Variants in SPTBN1 observed in about 807,000 individuals in gnomAD.
SPTBN1 encodes the protein spectrin beta, non-erythrocytic 1.
Under a neutral mutation model 266.4 loss-of-function variants are expected in SPTBN1, and 32 were observed. The observed-to-expected ratio is 0.12, with a 90% CI of 0.09 to 0.16. SPTBN1 has a LOEUF of 0.16. SPTBN1 is among the 10% of genes least tolerant of loss of function. The pLI is 1.00. For missense variants in SPTBN1, 2,296 were observed against 3,067.1 expected, an observed-to-expected ratio of 0.75 and a Z score of 5.94; for synonymous variants, 1,336 against 1,162.2, an observed-to-expected ratio of 1.15 and a Z score of -3.04.
At chr2:54,640,058 A>G (rs1679424539) in intron 18 of SPTBN1, among the ~76,000 whole-genome samples, 1 of 152,182 alleles carries the variant, frequency 6.6e-6, no homozygotes, top group Non-Finnish European at 1.5e-5. Context: ...ATTTAGGTCA[A>G]GCTTGGGGGC....
At chr2:54,517,247 G>A (rs907459557) in intron 1 of SPTBN1, among the ~76,000 whole-genome samples, 30 of 151,854 alleles carry the variant, frequency 2.0e-4, no homozygotes, top group Non-Finnish European at 1.0e-4. Flanking sequence ...GGGGGCCTTA[G>A]AATTTTATTT....
chr2:54,628,851 G>C lies in SPTBN1; in HGVS notation c.1799-82G>C, dbSNP rs945481901. ...GAGCTGGTAATCATAAGAATATGGG[G>C]TGTAGCTTACTGCCTGCCAGTGAGC... On this transcript the variant is annotated intron_variant, in intron 13 of 35. Coordinates refer to ENST00000356805, the MANE Select transcript of SPTBN1 (RefSeq NM_003128.3). The surrounding 1 kb of genome is among the most constrained non-coding windows in gnomAD (Gnocchi z 4.3). 1 of 1,489,464 alleles carries C rather than the reference G, an allele frequency of 6.7e-7. No individual in the cohort carries two copies. The highest frequency in any genetic ancestry group is 1.4e-5 in the African/African-American group (1 of 71,224). 92.3% of individuals were successfully genotyped at this position (1,489,464 alleles called of 1,614,324 possible).
chr2:54,457,443 CA>C (rs1195381971), intron 1 of SPTBN1: 3 of 152,558 alleles, frequency 2.0e-5, no homozygotes, highest in Admixed American at 6.5e-5. Context: ...GATCAGAACG[CA>C]AACCTCTGTC....
chr2:54,528,197 G>T (rs1670945483), intron 2 of SPTBN1: 1 of 152,544 alleles, frequency 6.6e-6, no homozygotes. Context: ...TCTTTTTCTT[G>T]TATTTTCATT....
intron 1 of SPTBN1, among the ~76,000 whole-genome samples, chr2:54,497,817 A>G (rs1057325309): frequency 3.9e-5 from 6 of 152,162 alleles, no homozygotes; most frequent in Non-Finnish European, 7.4e-5. Context: ...GGGAAGGGCT[A>G]CCCTCTGGCT....
chr2:54,535,469 G>C (rs911709501), intron 2 of SPTBN1, among the ~76,000 whole-genome samples: 3 of 152,118 alleles, frequency 2.0e-5, no homozygotes, highest in Non-Finnish European at 4.4e-5. Context: ...GCCTATTCTG[G>C]ACATTTCCTA....
At chr2:54,457,529 C>T (rs4024576) in intron 1 of SPTBN1, among the ~76,000 whole-genome samples, 1 of 152,180 alleles carries the variant, frequency 6.6e-6, no homozygotes, top group East Asian at 1.9e-4. Flanking sequence ...TTCGGCGGAG[C>T]AGAAAATTGA....
chr2:54,499,666 A>G (rs1027653352), intron 1 of SPTBN1, among the ~76,000 whole-genome samples: 1 of 152,228 alleles, frequency 6.6e-6, no homozygotes, highest in African/African-American at 2.4e-5. Context: ...GTAATTATCT[A>G]ATTAATAAAG....
intron 1 of SPTBN1, among the ~76,000 whole-genome samples, chr2:54,457,974 G>A (rs1558741910): frequency 6.6e-6 from 1 of 152,250 alleles, no homozygotes; most frequent in Non-Finnish European, 1.5e-5. Flanking sequence ...CATAGGGAGG[G>A]GCTGCAGGAA....
chr2:54,637,710 T>G lies in SPTBN1; in HGVS notation c.3768-3T>G. The G allele has an allele frequency of 6.2e-7, 1 of 1,610,446 alleles. No homozygotes were observed. Among genetic ancestry groups the G allele is most frequent in the Non-Finnish European group, 8.5e-7 (1 of 1,177,276 alleles). ...AAAATTATTTTTGTTACCATTCTAA[T>G]AGACATAGGAAGAATCGTGAGACAG... On this transcript the variant is annotated splice_region_variant and splice_polypyrimidine_tract_variant and intron_variant, in intron 17 of 35. Coordinates refer to ENST00000356805, the MANE Select transcript of SPTBN1 (RefSeq NM_003128.3).
chr2:54,649,481 T>C lies in SPTBN1; in HGVS notation c.5203-134T>C. 1 of 1,366,370 alleles carries C rather than the reference T, an allele frequency of 7.3e-7. No individual in the cohort carries two copies. Among genetic ancestry groups the C allele is most frequent in the South Asian group, 1.5e-5 (1 of 65,056 alleles). 84.6% of individuals were successfully genotyped at this position (1,366,370 alleles called of 1,614,324 possible). On this transcript the variant is annotated intron_variant, in intron 25 of 35. Coordinates refer to ENST00000356805, the MANE Select transcript of SPTBN1 (RefSeq NM_003128.3). This position sits in a 1 kb window ranked among gnomAD's most constrained non-coding sequence, Gnocchi z 6.7. ...GCTAAGAGGTTCTCGAGCTAAGATC[T>C]ATTGTTCTGAAGTCATGAGTATTAT... is the stretch of plus-strand genomic sequence containing the variant.
intron 34 of SPTBN1, 95 bp from the exon 35 acceptor site, chr2:54,667,509 G>C: frequency 8.3e-7 from 1 of 1,210,858 alleles, no homozygotes; most frequent in Non-Finnish European, 1.2e-6. Flanking sequence ...TGTGACTCCT[G>C]TGGTCTACTT....
At chr2:54,496,012 G>A (rs556054439) in intron 1 of SPTBN1, among the ~76,000 whole-genome samples, 4 of 152,016 alleles carry the variant, frequency 2.6e-5, no homozygotes, top group Middle Eastern at 3.4e-3. Context: ...GTACACATGG[G>A]CTTATACAGT....
In SPTBN1 at chr2:54,558,832, G is replaced by C; in HGVS notation, c.148+32266G>C. On this transcript the variant is annotated intron_variant, in intron 2 of 35. Coordinates refer to ENST00000356805, the MANE Select transcript of SPTBN1 (RefSeq NM_003128.3). The surrounding 1 kb of genome is among the most constrained non-coding windows in gnomAD (Gnocchi z 4.6). ...CCGGGCCGCTGTCGCCGGCGTACAC[G>C]GGGCAGGTGCCTTACAACTACAACC... 6.2e-7 allele frequency: 1 copy of C among 1,613,892 alleles called. No individual in the cohort carries two copies. Among genetic ancestry groups the C allele is most frequent in the Non-Finnish European group, 8.5e-7 (1 of 1,179,840 alleles).
intron 26 of SPTBN1, 29 bp downstream of exon 26, chr2:54,650,018 G>C (rs1403372698): frequency 1.3e-6 from 2 of 1,577,066 alleles, no homozygotes; most frequent in Middle Eastern, 1.7e-4. Context: ...CAGGGGTGCT[G>C]GGGAGGCTTT....
In SPTBN1 at chr2:54,501,868, A is replaced by G. The variant is rs544782104; in HGVS notation, c.-47-24504A>G. 2.6e-5 allele frequency among the ~76,000 whole-genome samples: 4 copies of G among 152,292 alleles called. No homozygotes were observed. In the South Asian group the frequency reaches 6.2e-4, roughly 24 times the overall value. On this transcript the variant is annotated intron_variant, in intron 1 of 35. Coordinates refer to ENST00000356805, the MANE Select transcript of SPTBN1 (RefSeq NM_003128.3). ...GTGGGAGCTAGAATATGGAGCAACT[A>G]GTGTGTATAGAGACTTCGTGAGAAA...
At chr2:54,589,913 CT>C (rs1402731248) in intron 2 of SPTBN1, among the ~76,000 whole-genome samples, 1 of 152,134 alleles carries the variant, frequency 6.6e-6, no homozygotes, top group Non-Finnish European at 1.5e-5. Flanking sequence ...CTTTTTTATT[CT>C]TTATTTTAAA....
At position 54,544,277 on chromosome 2, in the gene SPTBN1, A is replaced by G. The variant is rs188708920; in HGVS notation, c.148+17711A>G. ...GCCTATCTTTGACCTGCCTTTTCCA[A>G]CCTTCTTGGAAATTGCCTTCCTTCA... On this transcript the variant is annotated intron_variant, in intron 2 of 35. Coordinates refer to ENST00000356805, the MANE Select transcript of SPTBN1 (RefSeq NM_003128.3). 3.3e-5 allele frequency among the ~76,000 whole-genome samples: 5 copies of G among 152,176 alleles called. No individual in the cohort carries two copies. The East Asian group carries it at 7.7e-4, about 24-fold the overall frequency.
chr2:54,512,157 G>T (rs766218809), intron 1 of SPTBN1, among the ~76,000 whole-genome samples: 7 of 152,178 alleles, frequency 4.6e-5, no homozygotes, highest in Non-Finnish European at 7.3e-5. Flanking sequence ...GCTGTACTTC[G>T]CTTGCTTGTC....
Sources: allele counts gnomAD v4.1 joint callset (sites outside exome capture counted in the v4.1 genomes callset), GRCh38; gene constraint gnomAD v4.1.1; non-coding constraint Gnocchi (gnomAD v3.1); transcripts MANE v1.5; gene names NCBI Gene and HGNC (gene_info 2026-07-23, HGNC 2026-07-21).